NFIX: variants seen among roughly 807,000 people sequenced by gnomAD.
NFIX encodes nuclear factor 1 X-type.
NFIX carries 2 observed loss-of-function variants against 53.3 expected under a neutral mutation model. That is an observed-to-expected ratio of 0.04 (90% CI 0.02 to 0.12). The LOEUF is 0.12. Among genes scored for constraint, NFIX ranks in the 10% least tolerant of loss-of-function variants. The pLI is 1.00. For synonymous variants in NFIX, 244 were observed against 289.0 expected (o/e 0.84, Z 1.58); for missense variants, 310 against 674.5 (o/e 0.46, Z 5.99).
chr19:13,050,796 C>T (rs2015282560), intron 2 of NFIX, among the ~76,000 whole-genome samples: 1 of 152,182 alleles, frequency 6.6e-6, no homozygotes, highest in South Asian at 2.1e-4. Context: ...CCCTTTAACC[C>T]AAACAGGTGA....
rs1439225379 is a variant in NFIX, at chr19:13,043,375, A to G, written c.559+17823A>G. ...TGGGACTGCAGAAGTGGCTCTTGAGACTGTCTGGTGGTGAGCAGGTGCTGG... is the reference window on the plus strand; with the variant it reads ...TGGGACTGCAGAAGTGGCTCTTGAGGCTGTCTGGTGGTGAGCAGGTGCTGG... On this transcript the variant is annotated intron_variant, in intron 2 of 10. Coordinates refer to ENST00000592199, the MANE Select transcript of NFIX (RefSeq NM_001365902.3). This position sits in a 1 kb window ranked among gnomAD's most constrained non-coding sequence, Gnocchi z 4.0. 3.9e-5 allele frequency among the ~76,000 whole-genome samples: 6 copies of G among 152,080 alleles called. No individual in the cohort carries two copies.
Position 13,022,805 on chromosome 19 carries a change from C to G in NFIX, c.28-2216C>G, listed in dbSNP as rs540689676. Among the ~76,000 whole-genome samples the G allele has an allele frequency of 2.6e-5, 4 of 152,144 alleles. No individual in the cohort carries two copies. Among genetic ancestry groups the G allele is most frequent in the Non-Finnish European group, 4.4e-5 (3 of 68,028 alleles). On this transcript the variant is annotated intron_variant, in intron 1 of 10. Transcript: ENST00000592199. The surrounding 1 kb of genome is among the most constrained non-coding windows in gnomAD (Gnocchi z 4.5). ...CGAGTCTTCCACAATCCCAGTCCCC[C>G]CCAATGCCCCACCCCACCCCCAGAT...
Position 13,073,550 on chromosome 19 carries a change from G to T in NFIX, c.697+54G>T. 1.4e-6 allele frequency: 2 copies of T among 1,474,244 alleles called. No individual in the cohort carries two copies. The highest frequency in any genetic ancestry group is 2.8e-5 in the African/African-American group (2 of 72,128). The allele number at this position is 1,474,244 out of a possible 1,614,324, so 91.3% of individuals were successfully genotyped here. A position where few individuals can be genotyped will look rare whatever the true frequency, so the allele number is the denominator to read the frequency against. On this transcript the variant is annotated intron_variant, in intron 4 of 10. Transcript: ENST00000592199. This position sits in a 1 kb window ranked among gnomAD's most constrained non-coding sequence, Gnocchi z 4.5. Reference sequence around the variant, plus strand: ...GATGGGGATTGAAAGTGAGGAGGTGGGACCTCATGGGATGTCCTCCTAATG... The same window carrying T: ...GATGGGGATTGAAAGTGAGGAGGTGTGACCTCATGGGATGTCCTCCTAATG...
At position 13,090,206 on chromosome 19, in the gene NFIX, A is replaced by C. The variant is rs950624135; in HGVS notation, c.1403-93A>C. ...AAACTCGGGCAGCATGGTCTAACTC[A>C]GTCTCTCCCTCTCTCAGCAGCCCCG... On this transcript the variant is annotated intron_variant, in intron 9 of 10. Transcript: ENST00000592199. The surrounding 1 kb of genome is among the most constrained non-coding windows in gnomAD (Gnocchi z 6.6). 3 of 1,183,078 alleles carry C rather than the reference A, an allele frequency of 2.5e-6. No individual in the cohort carries two copies. Among genetic ancestry groups the C allele is most frequent in the Non-Finnish European group, 3.8e-6 (3 of 790,448 alleles). The allele number at this position is 1,183,078 out of a possible 1,614,324, so 73.3% of individuals were successfully genotyped here.
chr19:13,067,339 C>T lies in NFIX; in HGVS notation c.560-5708C>T, dbSNP rs573922257. ...ACCCCAAGGGCTGTTCTCCCCGTTT[C>T]CAAAGGCCAGCGGTTCCTGCAGAGT... On this transcript the variant is annotated intron_variant, in intron 2 of 10. Coordinates refer to ENST00000592199, the MANE Select transcript of NFIX (RefSeq NM_001365902.3). This position sits in a 1 kb window ranked among gnomAD's most constrained non-coding sequence, Gnocchi z 4.2. Among the ~76,000 whole-genome samples the T allele has an allele frequency of 7.2e-5, 11 of 152,320 alleles. No individual in the cohort carries two copies. The highest frequency in any genetic ancestry group is 4.6e-4 in the Admixed American group (7 of 15,298).
At chr19:13,083,928 T>C (rs1443784225) in intron 8 of NFIX, among the ~76,000 whole-genome samples, 4 of 152,268 alleles carry the variant, frequency 2.6e-5, no homozygotes, top group Non-Finnish European at 5.9e-5. Flanking sequence ...ACAGCCACTG[T>C]TAAGCAGTGC....
Position 12,995,878 on chromosome 19 carries a change from C to T in NFIX, c.27+14C>T. On this transcript the variant is annotated intron_variant, in intron 1 of 10. Transcript: ENST00000592199. ...TGCCTCACCCAGGTACCGGCCGCCG[C>T]CCCCGCGCGACCGGGGGAGGGGAGC... 7 of 979,002 alleles carry T rather than the reference C, an allele frequency of 7.2e-6. No homozygotes were observed. The highest frequency in any genetic ancestry group is 8.5e-6 in the Non-Finnish European group (7 of 826,706). The allele number at this position is 979,002 out of a possible 1,614,324, so 60.6% of individuals were successfully genotyped here. A position where few individuals can be genotyped will look rare whatever the true frequency, so the allele number is the denominator to read the frequency against.
intron 2 of NFIX, among the ~76,000 whole-genome samples, chr19:13,063,880 A>G (rs1467551303): frequency 2.6e-5 from 4 of 152,102 alleles, no homozygotes; most frequent in Non-Finnish European, 5.9e-5. Flanking sequence ...ATTTGGGGGT[A>G]GGAGGAGGGT....
At chr19:13,057,786 G>A (rs554046871) in intron 2 of NFIX, among the ~76,000 whole-genome samples, 3 of 144,814 alleles carry the variant, frequency 2.1e-5, no homozygotes, top group Non-Finnish European at 4.5e-5. Context: ...TAAGCCAGAT[G>A]TTGGACTACC....
intron 2 of NFIX, among the ~76,000 whole-genome samples, chr19:13,055,719 C>T (rs561520634): frequency 2.6e-5 from 4 of 152,232 alleles, no homozygotes; most frequent in Admixed American, 6.5e-5. Context: ...GGGAGTGTCG[C>T]GTGAGGCCAG....
At position 13,078,844 on chromosome 19, in the gene NFIX, C is replaced by A; in HGVS notation, c.1078+109C>A. Reference sequence around the variant, plus strand: ...GCTGACCCCGAGTGACAGCCCCACGCTCTCCAAGTGGGCCAAGGTGCAGCA... The same window carrying A: ...GCTGACCCCGAGTGACAGCCCCACGATCTCCAAGTGGGCCAAGGTGCAGCA... On this transcript the variant is annotated intron_variant, in intron 7 of 10. Coordinates refer to ENST00000592199, the MANE Select transcript of NFIX (RefSeq NM_001365902.3). The surrounding 1 kb of genome is among the most constrained non-coding windows in gnomAD (Gnocchi z 4.7). The A allele has an allele frequency of 7.7e-7, 1 of 1,300,866 alleles. No individual in the cohort carries two copies. Among genetic ancestry groups the A allele is most frequent in the Non-Finnish European group, 1.0e-6 (1 of 965,956 alleles). The allele number at this position is 1,300,866 out of a possible 1,614,324, so 80.6% of individuals were successfully genotyped here. A position where few individuals can be genotyped will look rare whatever the true frequency, so the allele number is the denominator to read the frequency against.
rs374609778 is a variant in NFIX, at chr19:13,009,821, T to A, written c.27+13957T>A. ...TGAGTGTCTGATGTGTGAGTGGCCATGTGGACGGCTGGAGTTGGTCCGCAG... is the reference window on the plus strand; with the variant it reads ...TGAGTGTCTGATGTGTGAGTGGCCAAGTGGACGGCTGGAGTTGGTCCGCAG... On this transcript the variant is annotated intron_variant, in intron 1 of 10. Coordinates refer to ENST00000592199, the MANE Select transcript of NFIX (RefSeq NM_001365902.3). This position sits in a 1 kb window ranked among gnomAD's most constrained non-coding sequence, Gnocchi z 4.7. 4.5e-4 allele frequency among the ~76,000 whole-genome samples: 68 copies of A among 152,322 alleles called. 1 individual carries two copies. Among genetic ancestry groups the A allele is most frequent in the African/African-American group, 1.6e-3 (65 of 41,582 alleles).
At position 12,996,728 on chromosome 19, in the gene NFIX, C is replaced by T. The variant is rs1349134823; in HGVS notation, c.27+864C>T. ...GGGAGGGGCGGGAGGCAGCCGTGGA[C>T]ACAGCCGACAGTGCTGCGGCCACAC... On this transcript the variant is annotated intron_variant, in intron 1 of 10. Coordinates refer to ENST00000592199, the MANE Select transcript of NFIX (RefSeq NM_001365902.3). The surrounding 1 kb of genome is among the most constrained non-coding windows in gnomAD (Gnocchi z 5.2). Among the ~76,000 whole-genome samples the T allele has an allele frequency of 1.3e-5, 2 of 152,238 alleles. No individual in the cohort carries two copies. The highest frequency in any genetic ancestry group is 4.8e-5 in the African/African-American group (2 of 41,464).
rs1357451414 is a variant in NFIX, at chr19:13,012,006, C to T, written c.28-13015C>T. On this transcript the variant is annotated intron_variant, in intron 1 of 10. Transcript: ENST00000592199. The surrounding 1 kb of genome is among the most constrained non-coding windows in gnomAD (Gnocchi z 5.0). ...TGCTGACGGTCACTGTCACTTGCAT[C>T]GCACACTGAGGGGTGGGAGAGGACA... Among the ~76,000 whole-genome samples, 25 of 152,000 alleles carry T rather than the reference C, an allele frequency of 1.6e-4. No individual in the cohort carries two copies. The highest frequency in any genetic ancestry group is 3.5e-4 in the Non-Finnish European group (24 of 67,980).
At position 12,999,312 on chromosome 19, in the gene NFIX, A is replaced by G. The variant is rs575829377; in HGVS notation, c.27+3448A>G. The stretch of plus-strand genomic sequence containing the variant: ...CTCAGCTTCCCGAGTAGCTGGGATT[A>G]CAGGTGCCCGCCACCACGCCCGGGT... On this transcript the variant is annotated intron_variant, in intron 1 of 10. Coordinates refer to ENST00000592199, the MANE Select transcript of NFIX (RefSeq NM_001365902.3). Among the ~76,000 whole-genome samples, 7 of 151,750 alleles carry G rather than the reference A, an allele frequency of 4.6e-5. No individual in the cohort carries two copies. In the East Asian group the frequency reaches 1.4e-3, roughly 30 times the overall value.
At position 13,025,221 on chromosome 19, in the gene NFIX, G is replaced by A; in HGVS notation, c.228G>A (p.Leu76=). The change falls in exon 2 of 11, where the codon CTG becomes CTA. Residue 76 remains leucine, a synonymous_variant. Transcript: ENST00000592199. The surrounding 1 kb of genome is among the most constrained non-coding windows in gnomAD (Gnocchi z 7.5). The part of the protein sequence containing the change: ...EIKQKWASRL[L]AKLRKDIRPE... ...AGCAGAAGTGGGCATCCCGGCTGCT[G>A]GCCAAGCTGCGCAAGGACATCCGGC... 2 of 1,614,186 alleles carry A rather than the reference G, an allele frequency of 1.2e-6. No homozygotes were observed. Among genetic ancestry groups the A allele is most frequent in the Middle Eastern group, 1.6e-4 (1 of 6,062 alleles).
At chr19:13,054,722 A>T (rs918095775) in intron 2 of NFIX, among the ~76,000 whole-genome samples, 5 of 152,106 alleles carry the variant, frequency 3.3e-5, no homozygotes, top group African/African-American at 1.2e-4. Context: ...TCCCTGGGTT[A>T]GGCATACAGG....
chr19:12,996,711 C>T lies in NFIX; in HGVS notation c.27+847C>T, dbSNP rs2011481692. ...TCCCGTCGCCTGGAGGCGGGAGGGG[C>T]GGGAGGCAGCCGTGGACACAGCCGA... On this transcript the variant is annotated intron_variant, in intron 1 of 10. Coordinates refer to ENST00000592199, the MANE Select transcript of NFIX (RefSeq NM_001365902.3). The surrounding 1 kb of genome is among the most constrained non-coding windows in gnomAD (Gnocchi z 5.2). 6.6e-6 allele frequency among the ~76,000 whole-genome samples: 1 copy of T among 152,202 alleles called. No homozygotes were observed. Among genetic ancestry groups the T allele is most frequent in the Non-Finnish European group, 1.5e-5 (1 of 68,012 alleles).
rs1013688474 is a variant in NFIX at position 13,013,502 on chromosome 19, A to G, written c.28-11519A>G. Among the ~76,000 whole-genome samples the G allele has an allele frequency of 5.9e-5, 9 of 151,894 alleles. No homozygotes were observed. Among genetic ancestry groups the G allele is most frequent in the Non-Finnish European group, 1.5e-5 (1 of 67,986 alleles). On this transcript the variant is annotated intron_variant, in intron 1 of 10. Coordinates refer to ENST00000592199, the MANE Select transcript of NFIX (RefSeq NM_001365902.3). The surrounding 1 kb of genome is among the most constrained non-coding windows in gnomAD (Gnocchi z 5.9). ...CGCTGCAGCTGCGCCCGGGGAGGTG[A>G]CCCTGGGGCAGCGGCTGACCCTGCT...
Sources: allele counts gnomAD v4.1 joint callset (sites outside exome capture counted in the v4.1 genomes callset), GRCh38; gene constraint gnomAD v4.1.1; non-coding constraint Gnocchi (gnomAD v3.1); transcripts MANE v1.5; gene names NCBI Gene and HGNC (gene_info 2026-07-23, HGNC 2026-07-21).